The following COMMD1 variants were observed in gnomAD, a reference collection of about 807,000 sequenced individuals.
The protein encoded by COMMD1 is COMM domain-containing protein 1.
A neutral mutation model predicts 17.2 loss-of-function variants in COMMD1; 10 were observed. The ratio of observed to expected loss-of-function variants is 0.58; its 90% CI spans 0.36 to 0.99. COMMD1 has a LOEUF of 0.99. COMMD1 is among the 50% of genes least tolerant of loss of function. The pLI is 0.01. For missense variants in COMMD1, 270 were observed against 231.8 expected (o/e 1.17, Z -1.07); for synonymous variants, 97 against 91.6 (o/e 1.06, Z -0.34).
chr2:62,060,449 TGTGGTAACCCGTA>T (rs1670827438), intron 2 of COMMD1, among the ~76,000 whole-genome samples: 5 of 152,238 alleles, frequency 3.3e-5, no homozygotes, highest in Admixed American at 6.5e-5. Context: ...TTTTTCTTAA[TGTGGTAACCCGTA>T]TTTCAATATT....
At chr2:62,129,854 C>G (rs1672977413) in intron 2 of COMMD1, among the ~76,000 whole-genome samples, 1 of 152,112 alleles carries the variant, frequency 6.6e-6, no homozygotes, top group Non-Finnish European at 1.5e-5. Flanking sequence ...AGAGGATAGG[C>G]TTTATGGCCA....
In COMMD1 at chr2:62,003,625, C is replaced by CAA. The variant is rs1669027986; in HGVS notation, c.462+2644_462+2645insAA. On this transcript the variant is annotated intron_variant, in intron 2 of 2. Transcript: ENST00000311832. Reference sequence around the variant, plus strand: ...ATTTTTACACACACACACACACACACACACACACACACACACCCAACAGAT... The same window carrying CAA: ...ATTTTTACACACACACACACACACACAAACACACACACACACACCCAACAGAT... Among the ~76,000 whole-genome samples, 8 of 151,678 alleles carry CAA rather than the reference C, an allele frequency of 5.3e-5. No individual in the cohort carries two copies. The South Asian group carries it at 1.7e-3, about 32-fold the overall frequency.
At chr2:62,067,355 T>G (rs951669562) in intron 2 of COMMD1, among the ~76,000 whole-genome samples, 1 of 152,212 alleles carries the variant, frequency 6.6e-6, no homozygotes, top group African/African-American at 2.4e-5. Flanking sequence ...AAATCTTCTA[T>G]TTGTATAGTT....
intron 1 of COMMD1, among the ~76,000 whole-genome samples, chr2:61,972,586 C>T (rs1017739035): frequency 6.6e-6 from 1 of 152,176 alleles, no homozygotes; most frequent in Non-Finnish European, 1.5e-5. Flanking sequence ...ATGTTGATAG[C>T]ACATACCCTT....
At chr2:62,060,932 A>G (rs1422263094) in intron 2 of COMMD1, among the ~76,000 whole-genome samples, 6 of 151,852 alleles carry the variant, frequency 4.0e-5, no homozygotes, top group Non-Finnish European at 7.4e-5. Flanking sequence ...CAAACTGGAT[A>G]ATTTCTTTCC....
At chr2:61,948,877 C>T (rs1397362861) in intron 1 of COMMD1, among the ~76,000 whole-genome samples, 1 of 152,162 alleles carries the variant, frequency 6.6e-6, no homozygotes, top group African/African-American at 2.4e-5. Flanking sequence ...AGCAGAATGC[C>T]TAAAATTCCA....
intron 1 of COMMD1, among the ~76,000 whole-genome samples, chr2:61,948,591 A>G (rs1475461535): frequency 6.6e-6 from 1 of 152,226 alleles, no homozygotes; most frequent in Non-Finnish European, 1.5e-5. Context: ...AAATACAGTG[A>G]TACAGAATTC....
chr2:61,910,161 A>G (rs778826522), intron 1 of COMMD1, among the ~76,000 whole-genome samples: 2 of 152,096 alleles, frequency 1.3e-5, no homozygotes, highest in Non-Finnish European at 2.9e-5. Context: ...ATGAATTGGG[A>G]ATGGTGTGTT....
In COMMD1 at chr2:61,997,472, T is replaced by C. The variant is rs115790098; in HGVS notation, c.181-3229T>C. Among the ~76,000 whole-genome samples, 750 of 152,342 alleles carry C rather than the reference T, an allele frequency of 4.9e-3. 7 individuals are homozygous for C. The highest frequency in any genetic ancestry group is 0.017 in the African/African-American group (713 of 41,570). On this transcript the variant is annotated intron_variant, in intron 1 of 2. Coordinates refer to ENST00000311832, the MANE Select transcript of COMMD1 (RefSeq NM_152516.4). ...CAGTCATGAAAATAACATCTCCTTG[T>C]ACGTCTCCATCAGAGCTCTTGAGTG... is the stretch of plus-strand genomic sequence containing the variant.
intron 1 of COMMD1, among the ~76,000 whole-genome samples, chr2:61,892,213 A>G (rs1006304972): frequency 1.3e-5 from 2 of 151,972 alleles, no homozygotes; most frequent in Non-Finnish European, 2.9e-5. Context: ...ATCCAAGCAG[A>G]CGTAAGGCAT....
intron 2 of COMMD1, among the ~76,000 whole-genome samples, chr2:62,073,761 C>T (rs998722743): frequency 4.6e-5 from 7 of 152,034 alleles, no homozygotes; most frequent in Admixed American, 1.3e-4. Flanking sequence ...TGCAGTGGTG[C>T]GATCTCGGCT....
chr2:62,124,277 C>A (rs1399437432), intron 2 of COMMD1, among the ~76,000 whole-genome samples: 1 of 152,106 alleles, frequency 6.6e-6, no homozygotes, highest in Non-Finnish European at 1.5e-5. Flanking sequence ...CCAGCCTGAG[C>A]AATGGAGCAA....
At chr2:62,036,047 C>T (rs1558571563) in intron 2 of COMMD1, among the ~76,000 whole-genome samples, 2 of 145,182 alleles carry the variant, frequency 1.4e-5, no homozygotes, top group South Asian at 2.1e-4. Context: ...GAGTGAGACC[C>T]TGTCTCTCAC....
At chr2:61,934,459 A>C (rs550273243) in intron 1 of COMMD1, among the ~76,000 whole-genome samples, 31 of 152,280 alleles carry the variant, frequency 2.0e-4, no homozygotes, top group African/African-American at 7.0e-4. Context: ...GTGATGGCTC[A>C]TACCTGTGAT....
At chr2:61,936,258 C>T (rs1304460424) in intron 1 of COMMD1, among the ~76,000 whole-genome samples, 1 of 152,186 alleles carries the variant, frequency 6.6e-6, no homozygotes, top group Non-Finnish European at 1.5e-5. Context: ...TAAGCAATGT[C>T]ATGAGAAATC....
At chr2:62,001,419 T>C (rs1342008706) in intron 2 of COMMD1, among the ~76,000 whole-genome samples, 2 of 152,220 alleles carry the variant, frequency 1.3e-5, no homozygotes, top group African/African-American at 2.4e-5. Flanking sequence ...AATACATTGT[T>C]CGTAAAGACC....
At chr2:61,935,983 A>AT (rs1255655867) in intron 1 of COMMD1, among the ~76,000 whole-genome samples, 1 of 151,822 alleles carries the variant, frequency 6.6e-6, no homozygotes, top group African/African-American at 2.4e-5. Context: ...TACCTGGCTA[A>AT]TTTTTTGTAT....
chr2:62,044,335 C>T (rs775397536), intron 2 of COMMD1, among the ~76,000 whole-genome samples: 1 of 152,172 alleles, frequency 6.6e-6, no homozygotes. Context: ...AGAGAGATGT[C>T]ATTTTCAAGG....
At chr2:61,959,062 ATTGT>A (rs1211912027) in intron 1 of COMMD1, among the ~76,000 whole-genome samples, 4 of 152,228 alleles carry the variant, frequency 2.6e-5, no homozygotes, top group East Asian at 3.9e-4. Flanking sequence ...CTTAGTTAGC[ATTGT>A]TTGTTTATTT....
Sources: gnomAD v4.1 joint callset for allele counts (sites outside exome capture counted in the v4.1 genomes callset) on GRCh38, gnomAD v4.1.1 for gene constraint, MANE v1.5 for transcripts, NCBI Gene and HGNC (gene_info 2026-07-23, HGNC 2026-07-21) for gene names.